Variants in QTMAN observed in about 807,000 individuals in gnomAD.
QTMAN encodes the protein queuosine-tRNA mannosyltransferase.
At chr2:144,201,386 A>G in the QTMAN span, among the ~76,000 whole-genome samples, 1 of 152,214 alleles carries the variant, frequency 6.6e-6, no homozygotes, top group East Asian at 1.9e-4. Flanking sequence ...GCCACAGCAC[A>G]TTAACGAGAA....
At chr2:144,028,529 T>G in the QTMAN span, among the ~76,000 whole-genome samples, 1 of 152,182 alleles carries the variant, frequency 6.6e-6, no homozygotes, top group East Asian at 1.9e-4. Flanking sequence ...TGGCCTTACA[T>G]TCCTTAACCC....
At chr2:144,209,069 G>C in the QTMAN span, among the ~76,000 whole-genome samples, 3 of 152,240 alleles carry the variant, frequency 2.0e-5, no homozygotes, top group East Asian at 1.9e-4. Flanking sequence ...ATGACTCTTA[G>C]TTTTTTCTCC....
At chr2:144,274,162 T>C in the QTMAN span, among the ~76,000 whole-genome samples, 10 of 152,304 alleles carry the variant, frequency 6.6e-5, no homozygotes, top group South Asian at 2.1e-3. Flanking sequence ...ATTTGTTCTC[T>C]AACCATGGTT....
At chr2:143,996,817 C>A in the QTMAN span, among the ~76,000 whole-genome samples, 1 of 151,960 alleles carries the variant, frequency 6.6e-6, no homozygotes, top group Non-Finnish European at 1.5e-5. Context: ...AACCACTAAT[C>A]AGTTAAAGGA....
the QTMAN span, among the ~76,000 whole-genome samples, chr2:143,992,047 T>C: frequency 2.0e-5 from 3 of 152,166 alleles, no homozygotes; most frequent in South Asian, 2.1e-4. Flanking sequence ...CAACAGCTCA[T>C]TGAGAACGGG....
At chr2:144,196,988 G>A in the QTMAN span, among the ~76,000 whole-genome samples, 11 of 152,248 alleles carry the variant, frequency 7.2e-5, no homozygotes, top group African/African-American at 2.6e-4. Flanking sequence ...TACCTTCTGA[G>A]AAAGGTGCCA....
chr2:144,039,506 G>A, the QTMAN span, among the ~76,000 whole-genome samples: 1 of 152,096 alleles, frequency 6.6e-6, no homozygotes, highest in East Asian at 1.9e-4. Flanking sequence ...AAACAAGTTT[G>A]AGGTTTCCTC....
the QTMAN span, among the ~76,000 whole-genome samples, chr2:143,965,997 T>C: frequency 6.6e-6 from 1 of 152,228 alleles, no homozygotes; most frequent in African/African-American, 2.4e-5. Context: ...AAGACCTCTA[T>C]TGCATGCCTG....
chr2:144,135,804 T>C, the QTMAN span, among the ~76,000 whole-genome samples: 1 of 152,164 alleles, frequency 6.6e-6, no homozygotes, highest in Non-Finnish European at 1.5e-5. Flanking sequence ...AAGTATCTGG[T>C]TTCCAGGTAT....
the QTMAN span, among the ~76,000 whole-genome samples, chr2:144,164,344 G>C: frequency 1.3e-5 from 2 of 152,080 alleles, no homozygotes; most frequent in African/African-American, 2.4e-5. Context: ...AAGGTGCTTA[G>C]ACCACTGCTT....
At chr2:144,251,965 G>A in the QTMAN span, among the ~76,000 whole-genome samples, 1 of 152,126 alleles carries the variant, frequency 6.6e-6, no homozygotes, top group South Asian at 2.1e-4. Flanking sequence ...GGAGGTGGAG[G>A]TGGAAGGACT....
the QTMAN span, among the ~76,000 whole-genome samples, chr2:143,970,978 T>C: frequency 6.6e-6 from 1 of 152,206 alleles, no homozygotes; most frequent in Non-Finnish European, 1.5e-5. Context: ...AACCTAGTCC[T>C]ATTGAAGTTT....
the QTMAN span, among the ~76,000 whole-genome samples, chr2:144,019,081 G>T: frequency 6.6e-6 from 1 of 152,104 alleles, no homozygotes; most frequent in Non-Finnish European, 1.5e-5. Context: ...GTGTGGGGAG[G>T]GGAGGGACAA....
the QTMAN span, among the ~76,000 whole-genome samples, chr2:144,197,811 T>C: frequency 0.011 from 1,678 of 152,340 alleles, 28 homozygotes; most frequent in African/African-American, 0.037. Context: ...TACTCATCAA[T>C]AGTCTCCATC....
chr2:144,310,692 G>C, the QTMAN span, among the ~76,000 whole-genome samples: 4 of 152,324 alleles, frequency 2.6e-5, no homozygotes, highest in Non-Finnish European at 4.4e-5. Flanking sequence ...GACAAACTGT[G>C]AATGTGAAAG....
chr2:144,023,612 C>T, the QTMAN span, among the ~76,000 whole-genome samples: 3 of 152,156 alleles, frequency 2.0e-5, no homozygotes, highest in South Asian at 2.1e-4. Flanking sequence ...TTACTTTCCA[C>T]CTTGAAATAT....
At chr2:143,972,491 T>A in the QTMAN span, among the ~76,000 whole-genome samples, 124 of 152,056 alleles carry the variant, frequency 8.2e-4, no homozygotes, top group African/African-American at 2.8e-3. Context: ...GTAGATGAGG[T>A]TTGGAGTTGG....
At chr2:144,036,198 T>A in the QTMAN span, among the ~76,000 whole-genome samples, 132 of 152,330 alleles carry the variant, frequency 8.7e-4, no homozygotes, top group African/African-American at 3.1e-3. Flanking sequence ...ATTATTGTAA[T>A]ATTATGTTTC....
At chr2:143,991,583 C>T in the QTMAN span, among the ~76,000 whole-genome samples, 2 of 148,334 alleles carry the variant, frequency 1.3e-5, no homozygotes, top group African/African-American at 5.0e-5. Flanking sequence ...CCCCGCCCGA[C>T]CAGCCGCCTC....
Sources: gnomAD v4.1 joint callset for allele counts (sites outside exome capture counted in the v4.1 genomes callset) on GRCh38, gnomAD v4.1.1 for gene constraint, MANE v1.5 for transcripts, NCBI Gene and HGNC (gene_info 2026-07-23, HGNC 2026-07-21) for gene names.